The following STX11 variants were observed in gnomAD, a reference collection of about 807,000 sequenced individuals.
STX11 encodes syntaxin-11.
Under a neutral mutation model 19.9 loss-of-function variants are expected in STX11, and 21 were observed. The ratio of observed to expected loss-of-function variants is 1.06; its 90% CI spans 0.75 to 1.52. STX11 has a LOEUF of 1.52. Among genes scored for constraint, STX11 ranks in the 40% most tolerant of loss-of-function variants. STX11 has a pLI of 0.00. For missense variants in STX11, 438 were observed against 405.9 expected (o/e 1.08, Z -0.68); for synonymous variants, 193 against 174.4 (o/e 1.11, Z -0.84).
At chr6:144,148,430 T>C (rs1800918486), upstream of STX11, among the ~76,000 whole-genome samples, 1 of 152,240 alleles carries the variant, frequency 6.6e-6, no homozygotes, top group Admixed American at 6.5e-5. Flanking sequence ...ATAACATACC[T>C]CATCCCTCTT....
chr6:144,140,575 C>T, the STX11 span, among the ~76,000 whole-genome samples: 153 of 152,052 alleles, frequency 1.0e-3, 1 homozygote, highest in East Asian at 0.022. Flanking sequence ...TTTGAAACAA[C>T]TTGTTTTTTT....
rs1237709894 is a variant in STX11 at position 144,169,448 on chromosome 6, CT to C, written c.-5-17171del. Among the ~76,000 whole-genome samples, 5 of 152,070 alleles carry C rather than the reference CT, an allele frequency of 3.3e-5. No individual in the cohort carries two copies. Among genetic ancestry groups the C allele is most frequent in the Non-Finnish European group, 5.9e-5 (4 of 68,012 alleles). On this transcript the variant is annotated intron_variant, in intron 1 of 1. Coordinates refer to ENST00000367568, the MANE Select transcript of STX11 (RefSeq NM_003764.4). This position sits in a 1 kb window ranked among gnomAD's most constrained non-coding sequence, Gnocchi z 5.2. ...CTTTTCTAAAATTTCCGTAACCAGC[CT>C]TTTGATTATTTACAGTTTCCTTCAA...
At chr6:144,140,547 G>A in the STX11 span, among the ~76,000 whole-genome samples, 1 of 152,004 alleles carries the variant, frequency 6.6e-6, no homozygotes, top group Non-Finnish European at 1.5e-5. Context: ...GAACCATCAT[G>A]CCTGGCCCAA....
chr6:144,161,749 T>A (rs1801347936), intron 1 of STX11, among the ~76,000 whole-genome samples: 2 of 152,192 alleles, frequency 1.3e-5, no homozygotes. Flanking sequence ...GACATCTAGA[T>A]ACGTGCACCC....
the STX11 span, among the ~76,000 whole-genome samples, chr6:144,140,252 A>ATATATATT: frequency 3.3e-4 from 17 of 51,968 alleles, no homozygotes; most frequent in African/African-American, 9.1e-4. Context: ...ATATATATAT[A>ATATATATT]TATTTATTTA....
At chr6:144,185,944 A>C (rs2128756331) in intron 1 of STX11, among the ~76,000 whole-genome samples, 1 of 152,278 alleles carries the variant, frequency 6.6e-6, no homozygotes, top group African/African-American at 2.4e-5. Context: ...GATGCTTCCC[A>C]GTGCCGAAAT....
At position 144,176,237 on chromosome 6, in the gene STX11, TC is replaced by T. The variant is rs1801774995; in HGVS notation, c.-5-10381del. ...CCACACTAGCGCCTCCCACCCTAAC[TC>T]CCCCAACAGCTTCAGTGCATGATTA... On this transcript the variant is annotated intron_variant, in intron 1 of 1. Coordinates refer to ENST00000367568, the MANE Select transcript of STX11 (RefSeq NM_003764.4). The surrounding 1 kb of genome is among the most constrained non-coding windows in gnomAD (Gnocchi z 4.1). Among the ~76,000 whole-genome samples, 1 of 151,638 alleles carries T rather than the reference TC, an allele frequency of 6.6e-6. No individual in the cohort carries two copies. The highest frequency in any genetic ancestry group is 2.4e-5 in the African/African-American group (1 of 41,240).
rs1269148196 is a variant in STX11 at position 144,187,105 on chromosome 6, C to A, written c.478C>A (p.Arg160Ser). ...EMKQRDNCKI[R>S]IQRQLEIMGK... is the part of the protein sequence containing the mutation. Reference sequence around the variant, plus strand: ...GAAGCAGCGCGACAACTGCAAGATCCGCATCCAGCGCCAGCTGGAGATCAT... The same window carrying A: ...GAAGCAGCGCGACAACTGCAAGATCAGCATCCAGCGCCAGCTGGAGATCAT... The change falls in exon 2 of 2, where the codon CGC becomes AGC. Residue 160 changes from arginine to serine, a missense_variant. Arg to Ser is a moderately radical substitution (Grantham distance 110). Transcript: ENST00000367568. The surrounding 1 kb of genome is among the most constrained non-coding windows in gnomAD (Gnocchi z 5.6). The A allele has an allele frequency of 2.5e-6, 4 of 1,613,874 alleles. No individual in the cohort carries two copies. Among genetic ancestry groups the A allele is most frequent in the Non-Finnish European group, 2.5e-6 (3 of 1,180,004 alleles).
chr6:144,148,319 T>C (rs1174082920), upstream of STX11, among the ~76,000 whole-genome samples: 1 of 152,198 alleles, frequency 6.6e-6, no homozygotes, highest in African/African-American at 2.4e-5. Flanking sequence ...ATCCACTGAT[T>C]CCTAGGCTTG....
At chr6:144,145,555 A>C (rs1304881407), upstream of STX11, among the ~76,000 whole-genome samples, 1 of 152,250 alleles carries the variant, frequency 6.6e-6, no homozygotes. Context: ...ATACACAACG[A>C]GGTACTTTCA....
At chr6:144,158,493 A>T (rs1801237625) in intron 1 of STX11, among the ~76,000 whole-genome samples, 1 of 152,208 alleles carries the variant, frequency 6.6e-6, no homozygotes, top group Non-Finnish European at 1.5e-5. Flanking sequence ...TTCTAGGAGA[A>T]TAAGAAGGTT....
At chr6:144,171,801 G>A (rs1296565755) in intron 1 of STX11, among the ~76,000 whole-genome samples, 2 of 151,992 alleles carry the variant, frequency 1.3e-5, no homozygotes, top group Non-Finnish European at 2.9e-5. Context: ...CTTCAGACAT[G>A]TTAAGAAACA....
At position 144,170,339 on chromosome 6, in the gene STX11, T is replaced by A. The variant is rs2128751435; in HGVS notation, c.-5-16284T>A. ...CTGCACACATGCCATTTTATTACCT[T>A]TTGTCTGTGTGTGTGCGTGGGAAGG... On this transcript the variant is annotated intron_variant, in intron 1 of 1. Transcript: ENST00000367568. The surrounding 1 kb of genome is among the most constrained non-coding windows in gnomAD (Gnocchi z 4.7). 6.6e-6 allele frequency among the ~76,000 whole-genome samples: 1 copy of A among 152,246 alleles called. No individual in the cohort carries two copies. The highest frequency in any genetic ancestry group is 1.5e-5 in the Non-Finnish European group (1 of 68,014).
upstream of STX11, among the ~76,000 whole-genome samples, chr6:144,149,621 G>A (rs1468045663): frequency 1.3e-5 from 2 of 152,096 alleles, no homozygotes; most frequent in African/African-American, 2.4e-5. The surrounding 1 kb of genome is among the most constrained non-coding windows in gnomAD (Gnocchi z 5.1). Flanking sequence ...GGATCACAGC[G>A]TGCGCCACCA....
chr6:144,144,913 T>C, the STX11 span, among the ~76,000 whole-genome samples: 1 of 152,038 alleles, frequency 6.6e-6, no homozygotes. Flanking sequence ...GGCAAGGAGG[T>C]GGAGACACTG....
chr6:144,146,226 G>A (rs536660992), upstream of STX11, among the ~76,000 whole-genome samples: 10 of 152,280 alleles, frequency 6.6e-5, no homozygotes, highest in South Asian at 1.7e-3. This position sits in a 1 kb window ranked among gnomAD's most constrained non-coding sequence, Gnocchi z 4.4. Context: ...GGCCACGGCT[G>A]ACAGATCGCC....
Position 144,187,763 on chromosome 6 carries a change from C to G in STX11, c.*272C>G. 1.8e-6 allele frequency: 1 copy of G among 565,484 alleles called. No individual in the cohort carries two copies. The highest frequency in any genetic ancestry group is 3.2e-6 in the Non-Finnish European group (1 of 308,116). 35.0% of individuals were successfully genotyped at this position (565,484 alleles called of 1,614,324 possible). A position where few individuals can be genotyped will look rare whatever the true frequency, so the allele number is the denominator to read the frequency against. On this transcript the variant is annotated 3_prime_UTR_variant, in exon 2 of 2. Transcript: ENST00000367568. This position sits in a 1 kb window ranked among gnomAD's most constrained non-coding sequence, Gnocchi z 5.6. ...ACACCTTGCACTCTTACCGTCTTGA[C>G]AGAAGCCAAGTAAGGAACTGAAGTT...
rs1428941073 is a variant in STX11, at chr6:144,189,060, G to A, written c.*1569G>A. ...CCCTTTTGAGACAGGGTCTCCCTTT[G>A]TCACCCAGGCTGAAGTGCAGTGGCA... On this transcript the variant is annotated 3_prime_UTR_variant, in exon 2 of 2. Transcript: ENST00000367568. 6.6e-6 allele frequency among the ~76,000 whole-genome samples: 1 copy of A among 151,752 alleles called. No homozygotes were observed. Among genetic ancestry groups the A allele is most frequent in the East Asian group, 1.9e-4 (1 of 5,168 alleles).
intron 1 of STX11, among the ~76,000 whole-genome samples, chr6:144,173,089 C>T (rs1461161920): frequency 6.6e-6 from 1 of 152,166 alleles, no homozygotes; most frequent in South Asian, 2.1e-4. Context: ...CTTCTTTTCC[C>T]ACAACAAATG....
Sources: allele counts gnomAD v4.1 joint callset (sites outside exome capture counted in the v4.1 genomes callset), GRCh38; gene constraint gnomAD v4.1.1; non-coding constraint Gnocchi (gnomAD v3.1); transcripts MANE v1.5; gene names NCBI Gene and HGNC (gene_info 2026-07-23, HGNC 2026-07-21).